AGBL1: variants seen among roughly 807,000 people sequenced by gnomAD.
AGBL1 encodes cytosolic carboxypeptidase 4.
Under a neutral mutation model 118.9 loss-of-function variants are expected in AGBL1, and 130 were observed. The observed-to-expected ratio is 1.09, with a 90% CI of 0.95 to 1.26. The LOEUF (loss-of-function observed/expected upper bound fraction) is 1.26. Among genes scored for constraint, AGBL1 ranks in the 50% most tolerant of loss-of-function variants. The probability of loss-of-function intolerance (pLI) is 0.00; values close to 1 mark genes in which losing one functional copy is unlikely to be tolerated. For missense variants in AGBL1, 1,584 were observed against 1,298.1 expected, an observed-to-expected ratio of 1.22 and a Z score of -3.38; for synonymous variants, 555 against 478.9, an observed-to-expected ratio of 1.16 and a Z score of -2.08.
intron 21 of AGBL1, among the ~76,000 whole-genome samples, chr15:86,597,819 G>C (rs374668640): frequency 1.1e-4 from 16 of 152,058 alleles, no homozygotes; most frequent in African/African-American, 3.9e-4. Context: ...GGAGATTGTT[G>C]GCAAGGGGAA....
chr15:86,468,901 G>A (rs977892813), intron 18 of AGBL1, among the ~76,000 whole-genome samples: 1 of 152,248 alleles, frequency 6.6e-6, no homozygotes, highest in South Asian at 2.1e-4. Context: ...ATGAAGTGGG[G>A]TAGGCAGAGG....
At chr15:86,881,239 A>T (rs2079887374) in intron 22 of AGBL1, among the ~76,000 whole-genome samples, 1 of 152,236 alleles carries the variant, frequency 6.6e-6, no homozygotes, top group Admixed American at 6.5e-5. Context: ...CATATAGAAT[A>T]AAGTCTATAG....
At chr15:86,582,846 C>A (rs1403812344) in intron 21 of AGBL1, among the ~76,000 whole-genome samples, 2 of 139,532 alleles carry the variant, frequency 1.4e-5, no homozygotes, top group Middle Eastern at 4.0e-3. Flanking sequence ...GAACATCACA[C>A]ACCGGAGACT....
intron 22 of AGBL1, among the ~76,000 whole-genome samples, chr15:86,762,167 A>G (rs1011332123): frequency 6.6e-5 from 10 of 152,196 alleles, no homozygotes; most frequent in African/African-American, 1.7e-4. Flanking sequence ...GAGCTGAACA[A>G]TGAGAACACA....
chr15:86,262,731 G>A (rs2079012681), intron 9 of AGBL1, 47 bp from the exon 10 acceptor site: 1 of 1,283,718 alleles, frequency 7.8e-7, no homozygotes, highest in South Asian at 1.3e-5. Context: ...ATGCTTCTCA[G>A]GGTGGATTTC....
intron 21 of AGBL1, among the ~76,000 whole-genome samples, chr15:86,641,478 C>G (rs1163476436): frequency 1.3e-5 from 2 of 151,624 alleles, no homozygotes; most frequent in Non-Finnish European, 2.9e-5. Flanking sequence ...TCACACAATT[C>G]TCCTTTATTT....
chr15:86,245,500 GC>G (rs1006364854), intron 6 of AGBL1, among the ~76,000 whole-genome samples: 1 of 152,172 alleles, frequency 6.6e-6, no homozygotes, highest in African/African-American at 2.4e-5. Flanking sequence ...AGCCAAGAGG[GC>G]CAGGCATCTA....
chr15:86,732,659 C>G (rs2141218543), intron 22 of AGBL1, among the ~76,000 whole-genome samples: 1 of 152,220 alleles, frequency 6.6e-6, no homozygotes, highest in South Asian at 2.1e-4. Flanking sequence ...ATAGTATTCA[C>G]TATACAGACT....
intron 15 of AGBL1, among the ~76,000 whole-genome samples, chr15:86,274,679 A>T (rs1174149916): frequency 6.6e-6 from 1 of 152,204 alleles, no homozygotes; most frequent in Non-Finnish European, 1.5e-5. Context: ...TGTGTTTTTC[A>T]TACTCCAGCC....
chr15:86,698,219 T>C lies in AGBL1; in HGVS notation c.3158+23783T>C, dbSNP rs143917713. On this transcript the variant is annotated intron_variant, in intron 22 of 22. Transcript: ENST00000614907. ...AAGGGAGATTGGTTAAAGTAGTCTT[T>C]AGGGTTGGTCTCCTAGGACATAGAG... Among the ~76,000 whole-genome samples the C allele has an allele frequency of 4.9e-3, 742 of 152,128 alleles. 7 individuals carry two copies. The highest frequency in any genetic ancestry group is 6.1e-3 in the Non-Finnish European group (417 of 67,948).
At chr15:86,246,480 C>A (rs536813729) in intron 6 of AGBL1, among the ~76,000 whole-genome samples, 7 of 152,010 alleles carry the variant, frequency 4.6e-5, no homozygotes, top group Non-Finnish European at 7.4e-5. Flanking sequence ...ATGGACTGGG[C>A]AGTTTAAAGA....
intron 22 of AGBL1, among the ~76,000 whole-genome samples, chr15:86,824,223 A>C (rs2078977519): frequency 6.6e-6 from 1 of 152,186 alleles, no homozygotes; most frequent in Non-Finnish European, 1.5e-5. Context: ...TTGAGAACTA[A>C]GAAATGAGGT....
At chr15:86,412,650 T>G (rs1321681398) in intron 18 of AGBL1, among the ~76,000 whole-genome samples, 1 of 152,204 alleles carries the variant, frequency 6.6e-6, no homozygotes, top group Non-Finnish European at 1.5e-5. Flanking sequence ...TTAATTCCTG[T>G]GACCATGTGC....
At chr15:86,352,050 A>G (rs1236358864) in intron 17 of AGBL1, among the ~76,000 whole-genome samples, 1 of 152,146 alleles carries the variant, frequency 6.6e-6, no homozygotes, top group Non-Finnish European at 1.5e-5. Flanking sequence ...CTGGGGGCTG[A>G]CCAGTCACTT....
intron 19 of AGBL1, among the ~76,000 whole-genome samples, chr15:86,536,994 C>T (rs748344881): frequency 2.6e-5 from 4 of 152,156 alleles, no homozygotes; most frequent in African/African-American, 4.8e-5. Context: ...GGGCATTGGG[C>T]GTAGGGCTTA....
chr15:86,617,779 C>G (rs899765898), intron 21 of AGBL1, among the ~76,000 whole-genome samples: 1 of 151,984 alleles, frequency 6.6e-6, no homozygotes, highest in South Asian at 2.1e-4. Context: ...CACACACACA[C>G]ACACACACAC....
At chr15:86,169,079 GAGTTTCTAGATTGC>G (rs1448269306) in intron 5 of AGBL1, among the ~76,000 whole-genome samples, 13 of 152,218 alleles carry the variant, frequency 8.5e-5, no homozygotes, top group South Asian at 2.1e-4. Context: ...TTGTCTTAGA[GAGTTTCTAGATTGC>G]AGTGCAGGGA....
intron 22 of AGBL1, among the ~76,000 whole-genome samples, chr15:86,762,343 C>T (rs1397500393): frequency 1.3e-5 from 2 of 151,968 alleles, no homozygotes; most frequent in Non-Finnish European, 2.9e-5. Context: ...AACAAACCTC[C>T]ACATCCTGCA....
intron 22 of AGBL1, among the ~76,000 whole-genome samples, chr15:86,723,086 G>A (rs939688046): frequency 6.6e-6 from 1 of 152,232 alleles, no homozygotes; most frequent in African/African-American, 2.4e-5. Context: ...CATTGTGGAA[G>A]TCAGTGTGGC....
Sources: allele counts gnomAD v4.1 joint callset (sites outside exome capture counted in the v4.1 genomes callset), GRCh38; gene constraint gnomAD v4.1.1; transcripts MANE v1.5; gene names NCBI Gene and HGNC (gene_info 2026-07-23, HGNC 2026-07-21).